The following STAC variants were observed in gnomAD, a reference collection of about 807,000 sequenced individuals.
STAC encodes the protein SH3 and cysteine rich domain, also known as SH3 and cysteine-rich domain-containing protein.
A neutral mutation model predicts 48.8 loss-of-function variants in STAC; 43 were observed. The observed-to-expected ratio is 0.88, with a 90% confidence interval of 0.69 to 1.14. The LOEUF (loss-of-function observed/expected upper bound fraction) is 1.14. STAC is among the 50% of genes most tolerant of loss of function. The pLI is 0.00. For synonymous variants in STAC, 193 were observed against 179.5 expected, an observed-to-expected ratio of 1.07 and a Z score of -0.60; for missense variants, 497 against 504.0, an observed-to-expected ratio of 0.99 and a Z score of 0.13.
At chr3:36,479,492 T>G (rs1697587397) in intron 2 of STAC, among the ~76,000 whole-genome samples, 1 of 152,200 alleles carries the variant, frequency 6.6e-6, no homozygotes, top group Non-Finnish European at 1.5e-5. Flanking sequence ...ACTGTAATTT[T>G]AGTAGGGTGT....
chr3:36,529,353 C>A, intron 10 of STAC: 1 of 156,586 alleles, frequency 6.4e-6, no homozygotes, highest in Non-Finnish European at 1.4e-5. Flanking sequence ...ACAAATACTT[C>A]GTTATTAGTT....
At chr3:36,430,658 G>A (rs1476851556) in intron 1 of STAC, among the ~76,000 whole-genome samples, 1 of 152,198 alleles carries the variant, frequency 6.6e-6, no homozygotes, top group African/African-American at 2.4e-5. Context: ...ATTTGCTAGA[G>A]CTGCCATAAC....
intron 1 of STAC, among the ~76,000 whole-genome samples, chr3:36,393,277 C>T (rs1325982155): frequency 6.6e-6 from 1 of 152,114 alleles, no homozygotes; most frequent in Non-Finnish European, 1.5e-5. Context: ...TTTGCAAACA[C>T]CCTCAACTCC....
chr3:36,487,982 T>C (rs1039820487), intron 5 of STAC, among the ~76,000 whole-genome samples: 15 of 152,238 alleles, frequency 9.9e-5, no homozygotes, highest in Admixed American at 7.9e-4. Flanking sequence ...AGGATTTATA[T>C]GTAAATAAAG....
At chr3:36,505,935 G>C in intron 8 of STAC, 101 bp downstream of exon 8, 2 of 716,744 alleles carry the variant, frequency 2.8e-6, no homozygotes, top group Non-Finnish European at 4.5e-6. Flanking sequence ...ATGCTTTATA[G>C]CTGTGATTCT....
chr3:36,515,661 A>G (rs1225102980), intron 8 of STAC, among the ~76,000 whole-genome samples: 4 of 150,582 alleles, frequency 2.7e-5, no homozygotes, highest in Admixed American at 2.6e-4. Context: ...ATTTTACATA[A>G]GATATGAATA....
chr3:36,392,480 C>T (rs1337001374), intron 1 of STAC, among the ~76,000 whole-genome samples: 1 of 152,134 alleles, frequency 6.6e-6, no homozygotes, highest in Non-Finnish European at 1.5e-5. Flanking sequence ...GTTGGGACTA[C>T]AGGCACATAC....
At chr3:36,453,068 A>C (rs532740641) in intron 2 of STAC, among the ~76,000 whole-genome samples, 1 of 152,366 alleles carries the variant, frequency 6.6e-6, no homozygotes, top group Non-Finnish European at 1.5e-5. Flanking sequence ...GGAAGTTGGG[A>C]AGCCAAAGGA....
chr3:36,545,605 G>A (rs1409499977), intron 10 of STAC, among the ~76,000 whole-genome samples: 2 of 152,212 alleles, frequency 1.3e-5, no homozygotes, highest in African/African-American at 4.8e-5. Context: ...CCAATGAGTG[G>A]TGAGTGGCAA....
intron 6 of STAC, among the ~76,000 whole-genome samples, chr3:36,503,615 T>A (rs1004936961): frequency 6.6e-6 from 1 of 151,996 alleles, no homozygotes; most frequent in Non-Finnish European, 1.5e-5. Context: ...TGTATTTTAG[T>A]AGAGATGGGG....
chr3:36,462,587 G>A (rs1475179294), intron 2 of STAC, among the ~76,000 whole-genome samples: 1 of 152,168 alleles, frequency 6.6e-6, no homozygotes, highest in African/African-American at 2.4e-5. Context: ...AAGGGACTGG[G>A]AAGGAGTGAC....
chr3:36,517,886 T>A (rs1698713191), intron 8 of STAC, among the ~76,000 whole-genome samples: 1 of 151,770 alleles, frequency 6.6e-6, no homozygotes, highest in Non-Finnish European at 1.5e-5. Flanking sequence ...TACATGCACA[T>A]ACACACACAC....
chr3:36,475,502 C>G (rs531390893), intron 2 of STAC, among the ~76,000 whole-genome samples: 7 of 152,310 alleles, frequency 4.6e-5, no homozygotes, highest in African/African-American at 1.7e-4. Flanking sequence ...CTTCCACACT[C>G]CTATTATTAC....
chr3:36,395,197 A>G (rs1699832914), intron 1 of STAC, among the ~76,000 whole-genome samples: 1 of 152,164 alleles, frequency 6.6e-6, no homozygotes, highest in Non-Finnish European at 1.5e-5. Flanking sequence ...GCATACTGGG[A>G]AGAAACAGAC....
At chr3:36,495,009 C>T (rs1437063939) in intron 6 of STAC, among the ~76,000 whole-genome samples, 1 of 152,218 alleles carries the variant, frequency 6.6e-6, no homozygotes, top group Admixed American at 6.5e-5. Context: ...TGACACTCTT[C>T]TCATCAACAT....
At chr3:36,456,710 C>T (rs1263689182) in intron 2 of STAC, among the ~76,000 whole-genome samples, 1 of 152,190 alleles carries the variant, frequency 6.6e-6, no homozygotes, top group Non-Finnish European at 1.5e-5. Flanking sequence ...GATGTTCTCT[C>T]TCCTCTGAGG....
rs1034742544 is a variant in STAC, at chr3:36,546,652, G to A, written c.*363G>A. On this transcript the variant is annotated 3_prime_UTR_variant, in exon 11 of 11. Coordinates refer to ENST00000273183, the MANE Select transcript of STAC (RefSeq NM_003149.3). The stretch of plus-strand genomic sequence containing the variant: ...GTGCTCCAGTTTGCAGGGTAGCCCA[G>A]TGCAAGGTTCAGATCCATGTAGCTA... 2.1e-5 allele frequency: 6 copies of A among 287,002 alleles called. No individual in the cohort carries two copies. The highest frequency in any genetic ancestry group is 3.3e-5 in the Non-Finnish European group (5 of 150,346). 17.8% of individuals were successfully genotyped at this position (287,002 alleles called of 1,614,324 possible). A position where few individuals can be genotyped will look rare whatever the true frequency, so the allele number is the denominator to read the frequency against.
intron 1 of STAC, among the ~76,000 whole-genome samples, chr3:36,404,585 T>A (rs558739816): frequency 6.6e-6 from 1 of 152,296 alleles, no homozygotes; most frequent in South Asian, 2.1e-4. Context: ...GCCTCAAATT[T>A]CTATCAGTAT....
chr3:36,445,230 A>T (rs1474152435), intron 2 of STAC, among the ~76,000 whole-genome samples: 4 of 152,206 alleles, frequency 2.6e-5, no homozygotes, highest in African/African-American at 7.2e-5. Flanking sequence ...AACAATTTTG[A>T]AAGACTCTAT....
Sources: gnomAD v4.1 joint callset for allele counts (sites outside exome capture counted in the v4.1 genomes callset) on GRCh38, gnomAD v4.1.1 for gene constraint, MANE v1.5 for transcripts, NCBI Gene and HGNC (gene_info 2026-07-23, HGNC 2026-07-21) for gene names.